SASH1: variants seen among roughly 807,000 people sequenced by gnomAD.
SASH1 encodes the protein SAM and SH3 domain-containing protein 1.
A neutral mutation model predicts 125.2 loss-of-function variants in SASH1; 44 were observed. The observed-to-expected ratio is 0.35, with a 90% CI of 0.28 to 0.45. The LOEUF is 0.45. SASH1 is among the 20% of genes least tolerant of loss of function. The probability of loss-of-function intolerance (pLI) is 1.00; values close to 1 mark genes in which losing one functional copy is unlikely to be tolerated. For missense variants in SASH1, 1,426 were observed against 1,614.5 expected, an observed-to-expected ratio of 0.88 and a Z score of 2.00; for synonymous variants, 639 against 649.1, an observed-to-expected ratio of 0.98 and a Z score of 0.24.
chr6:148,280,700 C>T (rs556607035), intron 1 of SASH1, among the ~76,000 whole-genome samples: 23 of 152,100 alleles, frequency 1.5e-4, no homozygotes, highest in South Asian at 1.5e-3. Context: ...CCCAGCTACT[C>T]GGGAGGCTGC....
At chr6:148,201,128 G>A in the SASH1 span, among the ~76,000 whole-genome samples, 1 of 152,202 alleles carries the variant, frequency 6.6e-6, no homozygotes, top group Non-Finnish European at 1.5e-5. Context: ...AGTGATAGTA[G>A]AAGGTTACTG....
At chr6:148,275,026 C>T (rs765573209) in intron 1 of SASH1, among the ~76,000 whole-genome samples, 4 of 152,086 alleles carry the variant, frequency 2.6e-5, no homozygotes, top group Non-Finnish European at 4.4e-5. Context: ...TCACAGAACT[C>T]GTGGCTCTTC....
chr6:148,307,050 T>G (rs1017136032), intron 1 of SASH1, among the ~76,000 whole-genome samples: 5 of 141,020 alleles, frequency 3.5e-5, no homozygotes, highest in African/African-American at 1.4e-4. Context: ...CTTTCTTTCT[T>G]TCTTTCTTTC....
chr6:148,531,086 A>G (rs1026098661), intron 12 of SASH1, among the ~76,000 whole-genome samples: 2 of 152,156 alleles, frequency 1.3e-5, no homozygotes, highest in Non-Finnish European at 2.9e-5. Context: ...CCAGGAATAC[A>G]CTTTTTTAAA....
At chr6:148,331,825 A>AGGACTACAG (rs1781003559) in intron 1 of SASH1, among the ~76,000 whole-genome samples, 1 of 151,934 alleles carries the variant, frequency 6.6e-6, no homozygotes, top group Non-Finnish European at 1.5e-5. Flanking sequence ...CCCAGTAGCT[A>AGGACTACAG]GGACTACAGG....
chr6:148,420,659 C>T (rs1160282114), intron 2 of SASH1, among the ~76,000 whole-genome samples: 1 of 152,150 alleles, frequency 6.6e-6, no homozygotes, highest in East Asian at 1.9e-4. Flanking sequence ...TAAGGAATAC[C>T]TTTCCCTTAT....
intron 1 of SASH1, among the ~76,000 whole-genome samples, chr6:148,386,007 A>T (rs2114801952): frequency 6.6e-6 from 1 of 152,342 alleles, no homozygotes; most frequent in South Asian, 2.1e-4. Context: ...TGCTTCTGGC[A>T]TCAGAAGTGA....
chr6:148,228,251 C>A, the SASH1 span, among the ~76,000 whole-genome samples: 1 of 152,056 alleles, frequency 6.6e-6, no homozygotes, highest in Non-Finnish European at 1.5e-5. Context: ...AGATATGTAA[C>A]CCCTGGAGGT....
At chr6:148,536,956 C>T (rs1781882267) in intron 16 of SASH1, among the ~76,000 whole-genome samples, 1 of 152,160 alleles carries the variant, frequency 6.6e-6, no homozygotes. Flanking sequence ...GTTGTACTTC[C>T]TTTTATTGGT....
At chr6:148,517,658 T>TC in intron 9 of SASH1, among the ~76,000 whole-genome samples, 1 of 152,246 alleles carries the variant, frequency 6.6e-6, no homozygotes, top group Middle Eastern at 3.4e-3. Context: ...TTGCTACATT[T>TC]CCCTCACAAC....
chr6:148,483,484 A>G (rs1354155732), intron 7 of SASH1, among the ~76,000 whole-genome samples: 3 of 152,318 alleles, frequency 2.0e-5, no homozygotes, highest in Non-Finnish European at 4.4e-5. Context: ...TGGCCTGTTG[A>G]AAGAAAGCTT....
Position 148,326,276 on chromosome 6 carries a change from C to T in SASH1, n.74+53899C>T, listed in dbSNP as rs181578166. ...CTCCTGACCCCAGGTGATCCACTTG[C>T]CTCAGCCTCCCAAAGTGCTGGGATT... is the stretch of plus-strand genomic sequence containing the variant. On this transcript the variant is annotated intron_variant and non_coding_transcript_variant, in intron 1 of 3. Coordinates refer to the SASH1 transcript ENST00000367469. Among the ~76,000 whole-genome samples the T allele has an allele frequency of 1.9e-3, 225 of 118,572 alleles. 3 individuals carry two copies. The highest frequency in any genetic ancestry group is 7.3e-3 in the African/African-American group (216 of 29,726). The allele number at this position is 118,572 out of a possible 152,430, so 77.8% of individuals were successfully genotyped here. A position where few individuals can be genotyped will look rare whatever the true frequency, so the allele number is the denominator to read the frequency against.
At chr6:148,292,560 T>C (rs1294205406) in intron 1 of SASH1, among the ~76,000 whole-genome samples, 2 of 152,152 alleles carry the variant, frequency 1.3e-5, no homozygotes, top group African/African-American at 2.4e-5. Context: ...GGCTCTGCCC[T>C]AGGAAGAGGG....
At chr6:148,416,691 A>G (rs1784833256) in intron 2 of SASH1, among the ~76,000 whole-genome samples, 1 of 152,298 alleles carries the variant, frequency 6.6e-6, no homozygotes, top group South Asian at 2.1e-4. Flanking sequence ...CTCTAGAGAG[A>G]ATGTGACTTC....
At chr6:148,531,389 G>A (rs964547114) in intron 12 of SASH1, 137 bp from the exon 13 acceptor site, 5 of 672,562 alleles carry the variant, frequency 7.4e-6, no homozygotes, top group Middle Eastern at 2.8e-4. Context: ...TTTAAGAGGA[G>A]GAGAATATTG....
At chr6:148,200,446 T>C in the SASH1 span, among the ~76,000 whole-genome samples, 2 of 152,360 alleles carry the variant, frequency 1.3e-5, no homozygotes, top group Admixed American at 6.5e-5. Context: ...CGCGATCATC[T>C]GCTTATCATT....
chr6:148,519,912 TGC>T lies in SASH1; in HGVS notation c.1209+20_1209+21del. On this transcript the variant is annotated intron_variant, in intron 10 of 19. Transcript: ENST00000367467. This position sits in a 1 kb window ranked among gnomAD's most constrained non-coding sequence, Gnocchi z 4.8. ...CCACGGGGTAAGTACGGATGGTGTT[TGC>T]TTCTATGACAACCACCGTCGCAGGC... The T allele has an allele frequency of 6.6e-7, 1 of 1,514,358 alleles. No homozygotes were observed. The highest frequency in any genetic ancestry group is 8.9e-7 in the Non-Finnish European group (1 of 1,127,790). 93.8% of individuals were successfully genotyped at this position (1,514,358 alleles called of 1,614,324 possible).
At chr6:148,499,647 G>A (rs12201115) in intron 8 of SASH1, among the ~76,000 whole-genome samples, 35,710 of 152,102 alleles carry the variant, frequency 0.23, 4,934 homozygotes, top group Middle Eastern at 0.36. Context: ...CAGAGAAGGT[G>A]GTTGACACTG....
chr6:148,538,899 T>C (rs1273811906), intron 16 of SASH1, among the ~76,000 whole-genome samples: 2 of 152,208 alleles, frequency 1.3e-5, no homozygotes, highest in East Asian at 3.8e-4. Context: ...GTTTCTGTTT[T>C]ATGTGACCAA....
Sources: gnomAD v4.1 joint callset for allele counts (sites outside exome capture counted in the v4.1 genomes callset) on GRCh38, gnomAD v4.1.1 for gene constraint, Gnocchi (gnomAD v3.1) non-coding constraint, MANE v1.5 for transcripts, NCBI Gene and HGNC (gene_info 2026-07-23, HGNC 2026-07-21) for gene names.